The following ASTN1 variants were observed in gnomAD, a reference collection of about 807,000 sequenced individuals.
ASTN1 encodes the protein astrotactin-1.
In ASTN1, 41 loss-of-function variants were observed where a neutral mutation model predicts 140.7. The ratio of observed to expected loss-of-function variants is 0.29; its 90% confidence interval spans 0.23 to 0.38. ASTN1 has a LOEUF of 0.38. Ranked by LOEUF, ASTN1 falls within the 10% of genes least tolerant of loss-of-function variation. ASTN1 has a pLI of 1.00. For missense variants in ASTN1, 1,479 were observed against 1,678.8 expected (o/e 0.88, Z 2.08); for synonymous variants, 640 against 652.2 (o/e 0.98, Z 0.29).
At chr1:176,866,963 C>A (rs1245287447) in intron 22 of ASTN1, among the ~76,000 whole-genome samples, 1 of 152,140 alleles carries the variant, frequency 6.6e-6, no homozygotes, top group Non-Finnish European at 1.5e-5. Context: ...CACTAAACAG[C>A]CAAATTTTAT....
At chr1:177,159,066 CA>C (rs57759902) in intron 1 of ASTN1, among the ~76,000 whole-genome samples, 1,633 of 74,618 alleles carry the variant, frequency 0.022, 14 homozygotes, top group East Asian at 0.059. Flanking sequence ...GGATCCATCT[CA>C]AAAAAAAAAA....
intron 2 of ASTN1, among the ~76,000 whole-genome samples, chr1:177,046,798 G>C (rs1159655235): frequency 6.6e-6 from 1 of 152,188 alleles, no homozygotes; most frequent in Non-Finnish European, 1.5e-5. Context: ...TGAGGGTTCA[G>C]TGGAGAAAAG....
At position 176,894,546 on chromosome 1, in the gene ASTN1, G is replaced by T. The variant is rs201889598; in HGVS notation, c.2940+16C>A. 40 of 1,612,474 alleles carry T rather than the reference G, an allele frequency of 2.5e-5. No homozygotes were observed. The East Asian group carries it at 2.7e-4, about 11-fold the overall frequency. Reference sequence around the variant, plus strand: ...TGGTTGACGCCTCCCAGAGCCAAGAGTCCCAGGCCTCTTACCCTCTGGGTC... The same window carrying T: ...TGGTTGACGCCTCCCAGAGCCAAGATTCCCAGGCCTCTTACCCTCTGGGTC... On this transcript the variant is annotated intron_variant, in intron 17 of 22. Coordinates refer to ENST00000361833, the MANE Select transcript of ASTN1 (RefSeq NM_004319.3).
rs1010422754 is a variant in ASTN1 at position 177,157,642 on chromosome 1, A to AT, written c.283+6751dup. Among the ~76,000 whole-genome samples, 512 of 151,214 alleles carry AT rather than the reference A, an allele frequency of 3.4e-3. 3 individuals carry two copies. The highest frequency in any genetic ancestry group is 0.012 in the African/African-American group (484 of 41,312). ...AACTGTTCTTTAAAAATTAATTTGT[A>AT]TTTTTTTTTAAAAAAAAGGAAAACA... On this transcript the variant is annotated intron_variant, in intron 1 of 22. Coordinates refer to ENST00000361833, the MANE Select transcript of ASTN1 (RefSeq NM_004319.3).
intron 16 of ASTN1, among the ~76,000 whole-genome samples, chr1:176,914,542 C>T (rs2103064752): frequency 6.6e-6 from 1 of 152,270 alleles, no homozygotes; most frequent in East Asian, 1.9e-4. Context: ...TAGGGTCATA[C>T]CGCATGGGGT....
At chr1:177,139,638 A>T (rs1466565303) in intron 1 of ASTN1, among the ~76,000 whole-genome samples, 2 of 152,206 alleles carry the variant, frequency 1.3e-5, no homozygotes, top group Non-Finnish European at 2.9e-5. Flanking sequence ...TTTAGTATTT[A>T]TCTGATAGTA....
chr1:176,975,285 C>T (rs997615943), intron 8 of ASTN1, among the ~76,000 whole-genome samples: 1 of 152,114 alleles, frequency 6.6e-6, no homozygotes, highest in Non-Finnish European at 1.5e-5. Flanking sequence ...TGTTATTATC[C>T]CCAAGTGGCA....
chr1:177,043,817 C>T (rs772375144), intron 2 of ASTN1, among the ~76,000 whole-genome samples: 2 of 152,278 alleles, frequency 1.3e-5, no homozygotes, highest in South Asian at 4.2e-4. Context: ...TCATTCCTTG[C>T]CAGCAAGCTT....
intron 1 of ASTN1, among the ~76,000 whole-genome samples, chr1:177,140,964 C>T (rs1682442083): frequency 6.6e-6 from 1 of 152,188 alleles, no homozygotes; most frequent in East Asian, 1.9e-4. Context: ...CGCCTGTAAT[C>T]CCAGGACTTT....
chr1:176,880,002 T>C (rs568515115), intron 20 of ASTN1, among the ~76,000 whole-genome samples: 7 of 152,206 alleles, frequency 4.6e-5, no homozygotes, highest in Non-Finnish European at 1.0e-4. Flanking sequence ...TTATCGTTTC[T>C]ACCACTGAAC....
At chr1:177,149,497 A>G (rs1357224030) in intron 1 of ASTN1, among the ~76,000 whole-genome samples, 3 of 64,694 alleles carry the variant, frequency 4.6e-5, no homozygotes, top group Non-Finnish European at 7.5e-5. Flanking sequence ...TATATATAGT[A>G]TATATATAGT....
chr1:176,897,274 C>CA (rs56828059), intron 16 of ASTN1, among the ~76,000 whole-genome samples: 2,660 of 41,456 alleles, frequency 0.064, 136 homozygotes, highest in African/African-American at 0.11. Flanking sequence ...GACTCCGTCT[C>CA]AAAAAAAAAA....
At chr1:176,995,992 A>G (rs1378178748) in intron 8 of ASTN1, among the ~76,000 whole-genome samples, 1 of 152,166 alleles carries the variant, frequency 6.6e-6, no homozygotes, top group Non-Finnish European at 1.5e-5. Flanking sequence ...CTGTCCCCCA[A>G]CTTAAGAATT....
At chr1:176,947,647 T>C (rs1672013200) in intron 12 of ASTN1, among the ~76,000 whole-genome samples, 1 of 152,152 alleles carries the variant, frequency 6.6e-6, no homozygotes, top group Non-Finnish European at 1.5e-5. Context: ...AGTGAAGTGG[T>C]TCCTTCCTTG....
intron 5 of ASTN1, among the ~76,000 whole-genome samples, chr1:177,025,213 A>G (rs1676046187): frequency 6.6e-6 from 1 of 152,228 alleles, no homozygotes; most frequent in South Asian, 2.1e-4. Context: ...TGCTTACTCT[A>G]TGGGCAAGAC....
At chr1:177,106,728 A>T (rs187368090) in intron 1 of ASTN1, among the ~76,000 whole-genome samples, 1 of 152,192 alleles carries the variant, frequency 6.6e-6, no homozygotes, top group African/African-American at 2.4e-5. Flanking sequence ...TCAACAAAGC[A>T]TCATCAGCTT....
chr1:177,112,376 C>T (rs753494751), intron 1 of ASTN1, among the ~76,000 whole-genome samples: 19 of 152,290 alleles, frequency 1.2e-4, no homozygotes, highest in South Asian at 4.1e-4. Context: ...CGCTCCTATC[C>T]GCCACGCCTT....
intron 22 of ASTN1, among the ~76,000 whole-genome samples, chr1:176,868,553 G>A (rs1388253993): frequency 6.6e-6 from 1 of 152,098 alleles, no homozygotes; most frequent in African/African-American, 2.4e-5. Context: ...GACTCTTTGA[G>A]TTTTAGGGTT....
At position 177,024,826 on chromosome 1, in the gene ASTN1, G is replaced by A. The variant is rs560790134; in HGVS notation, c.1121-94C>T. On this transcript the variant is annotated intron_variant, in intron 5 of 22. Coordinates refer to ENST00000361833, the MANE Select transcript of ASTN1 (RefSeq NM_004319.3). Reference sequence around the variant, plus strand: ...TTGCCAATCATCCTGGCAAACAGGGGAGACAGTTGGCAAAACTAGCCCATG... The same window carrying A: ...TTGCCAATCATCCTGGCAAACAGGGAAGACAGTTGGCAAAACTAGCCCATG... 6.2e-5 allele frequency: 88 copies of A among 1,415,020 alleles called. 2 individuals carry two copies. In the South Asian group the frequency reaches 1.1e-3, roughly 18 times the overall value. 87.7% of individuals were successfully genotyped at this position (1,415,020 alleles called of 1,614,324 possible). A position where few individuals can be genotyped will look rare whatever the true frequency, so the allele number is the denominator to read the frequency against.
Sources: allele counts gnomAD v4.1 joint callset (sites outside exome capture counted in the v4.1 genomes callset), GRCh38; gene constraint gnomAD v4.1.1; transcripts MANE v1.5; gene names NCBI Gene and HGNC (gene_info 2026-07-23, HGNC 2026-07-21).